Variants in DLGAP1 observed in about 807,000 individuals in gnomAD.
DLGAP1 encodes DLG associated protein 1, also known as disks large-associated protein 1.
DLGAP1 carries 11 observed loss-of-function variants against 90.8 expected under a neutral mutation model. The observed-to-expected ratio is 0.12, with a 90% CI of 0.08 to 0.20. DLGAP1 has a LOEUF of 0.20. DLGAP1 is among the 10% of genes least tolerant of loss of function. DLGAP1 has a pLI of 1.00. For synonymous variants in DLGAP1, 558 were observed against 540.7 expected (o/e 1.03, Z -0.44); for missense variants, 1,050 against 1,333.8 (o/e 0.79, Z 3.31).
At chr18:3,957,189 G>C (rs2073101306) in intron 3 of DLGAP1, among the ~76,000 whole-genome samples, 1 of 152,198 alleles carries the variant, frequency 6.6e-6, no homozygotes, top group Non-Finnish European at 1.5e-5. Flanking sequence ...GAACAAGAGA[G>C]TCAGAGCCAG....
intron 1 of DLGAP1, among the ~76,000 whole-genome samples, chr18:4,425,448 T>C (rs1057057945): frequency 3.9e-5 from 6 of 152,188 alleles, no homozygotes; most frequent in African/African-American, 1.2e-4. Context: ...ACAGTCATGA[T>C]GACAGGACAC....
intron 1 of DLGAP1, among the ~76,000 whole-genome samples, chr18:4,412,988 T>C (rs2082812696): frequency 6.6e-6 from 1 of 152,148 alleles, no homozygotes; most frequent in Non-Finnish European, 1.5e-5. Flanking sequence ...AAGCCCATGA[T>C]ATTCACAAGG....
At chr18:4,223,624 A>G (rs1280385751) in intron 1 of DLGAP1, among the ~76,000 whole-genome samples, 1 of 152,222 alleles carries the variant, frequency 6.6e-6, no homozygotes, top group African/African-American at 2.4e-5. Flanking sequence ...ATGTAACAAC[A>G]ATAGATATTA....
chr18:3,854,124 C>T (rs1427615474), intron 4 of DLGAP1, among the ~76,000 whole-genome samples: 3 of 152,102 alleles, frequency 2.0e-5, no homozygotes, highest in Non-Finnish European at 4.4e-5. Flanking sequence ...CCCCTAATAA[C>T]ACCTGTAACA....
At position 3,565,621 on chromosome 18, in the gene DLGAP1, G is replaced by A. The variant is rs1281835781; in HGVS notation, c.2057+1869C>T. Among the ~76,000 whole-genome samples, 1 of 151,758 alleles carries A rather than the reference G, an allele frequency of 6.6e-6. No homozygotes were observed. The highest frequency in any genetic ancestry group is 1.5e-5 in the Non-Finnish European group (1 of 67,962). ...GAAGCCAAGGCGGGTGGATCACAAG[G>A]TCAAGATGATCGAAACCATCCTGGC... On this transcript the variant is annotated intron_variant, in intron 9 of 12. Transcript: ENST00000315677. The surrounding 1 kb of genome is among the most constrained non-coding windows in gnomAD (Gnocchi z 4.0).
intron 9 of DLGAP1, among the ~76,000 whole-genome samples, chr18:3,535,367 T>G (rs62083990): frequency 0.23 from 34,527 of 151,888 alleles, 4,234 homozygotes; most frequent in Non-Finnish European, 0.28. Context: ...TGGTGATGAG[T>G]AAGGAAACTA....
At chr18:3,607,138 T>G (rs1364181217) in intron 7 of DLGAP1, 1 of 152,244 alleles carries the variant, frequency 6.6e-6, no homozygotes, top group Non-Finnish European at 1.5e-5. Flanking sequence ...TGGCCTAGAT[T>G]ATGGAATTTT....
chr18:4,169,467 G>A lies in DLGAP1; in HGVS notation c.-266-18180C>T, dbSNP rs144609421. Among the ~76,000 whole-genome samples the A allele has an allele frequency of 7.6e-4, 115 of 152,192 alleles. 1 individual carries two copies. The highest frequency in any genetic ancestry group is 1.4e-3 in the Non-Finnish European group (96 of 68,014). Reference sequence around the variant, plus strand: ...CCATGTATTAGTTATACTATTCAAGGGAGATAACCTAACAAAATACATATG... The same window carrying A: ...CCATGTATTAGTTATACTATTCAAGAGAGATAACCTAACAAAATACATATG... On this transcript the variant is annotated intron_variant, in intron 1 of 12. Transcript: ENST00000315677.
At chr18:4,348,406 G>GTGTA (rs1457928245) in intron 1 of DLGAP1, among the ~76,000 whole-genome samples, 7 of 117,998 alleles carry the variant, frequency 5.9e-5, no homozygotes, top group Non-Finnish European at 1.1e-4. Flanking sequence ...AGGAATGTGT[G>GTGTA]TGTGTGTGTG....
chr18:4,214,044 A>G (rs1310530467), intron 1 of DLGAP1, among the ~76,000 whole-genome samples: 2 of 152,162 alleles, frequency 1.3e-5, no homozygotes, highest in Non-Finnish European at 2.9e-5. Flanking sequence ...GCTACAGAAG[A>G]TAAGGTGGAG....
intron 1 of DLGAP1, among the ~76,000 whole-genome samples, chr18:4,310,024 A>G (rs934113375): frequency 1.3e-5 from 2 of 152,138 alleles, no homozygotes. Context: ...AGGACTAAAT[A>G]TTGTGTGATC....
chr18:4,228,975 A>G (rs1460823499), intron 1 of DLGAP1, among the ~76,000 whole-genome samples: 1 of 152,056 alleles, frequency 6.6e-6, no homozygotes, highest in Non-Finnish European at 1.5e-5. Context: ...TTTGATAAAC[A>G]AATTCAATAA....
At chr18:4,334,404 G>C (rs753925427) in intron 1 of DLGAP1, among the ~76,000 whole-genome samples, 3 of 151,644 alleles carry the variant, frequency 2.0e-5, no homozygotes, top group Non-Finnish European at 2.9e-5. Context: ...TTCTTGATTG[G>C]GCAACATGAA....
At chr18:4,032,228 C>T (rs1230375061) in intron 2 of DLGAP1, among the ~76,000 whole-genome samples, 4 of 152,186 alleles carry the variant, frequency 2.6e-5, no homozygotes, top group Non-Finnish European at 5.9e-5. Flanking sequence ...ATAATAGCTG[C>T]ATCACCCACA....
chr18:3,720,895 A>AAAAAAAG (rs2061952898), intron 7 of DLGAP1, among the ~76,000 whole-genome samples: 1 of 140,408 alleles, frequency 7.1e-6, no homozygotes. Context: ...CTACAAAAAA[A>AAAAAAAG]AAAAAAAAAA....
chr18:3,505,132 G>GACCTAAGCAGTGCCGCC (rs71159085), intron 11 of DLGAP1, among the ~76,000 whole-genome samples: 140,126 of 151,982 alleles, frequency 0.92, 65,535 homozygotes, highest in Non-Finnish European at 1. Flanking sequence ...TGCAGCTGTG[G>GACCTAAGCAGTGCCGCC]ACCAGGCCAC....
At chr18:4,139,137 A>G (rs2076453991) in intron 2 of DLGAP1, among the ~76,000 whole-genome samples, 1 of 151,150 alleles carries the variant, frequency 6.6e-6, no homozygotes, top group Admixed American at 6.6e-5. Flanking sequence ...TTCTGCTTTG[A>G]TCTTTATTAT....
chr18:3,905,228 A>G (rs56147145), intron 3 of DLGAP1, among the ~76,000 whole-genome samples: 1,584 of 151,454 alleles, frequency 0.01, 29 homozygotes, highest in African/African-American at 0.036. Flanking sequence ...TTAGCTTGGC[A>G]TGGTGGCAGA....
At chr18:4,447,793 A>T (rs2083704256) in intron 1 of DLGAP1, among the ~76,000 whole-genome samples, 1 of 152,166 alleles carries the variant, frequency 6.6e-6, no homozygotes, top group Non-Finnish European at 1.5e-5. Context: ...TTGATTCCCA[A>T]TAATGTAAGC....
Sources: allele counts gnomAD v4.1 joint callset (sites outside exome capture counted in the v4.1 genomes callset), GRCh38; gene constraint gnomAD v4.1.1; non-coding constraint Gnocchi (gnomAD v3.1); transcripts MANE v1.5; gene names NCBI Gene and HGNC (gene_info 2026-07-23, HGNC 2026-07-21).